RGS14: variants seen among roughly 807,000 people sequenced by gnomAD.
RGS14 encodes the protein regulator of G-protein signaling 14.
A neutral mutation model predicts 63.8 loss-of-function variants in RGS14; 33 were observed. That is an observed-to-expected ratio of 0.52 (90% CI 0.39 to 0.69). The LOEUF (loss-of-function observed/expected upper bound fraction) is 0.69. Among genes scored for constraint, RGS14 ranks in the 30% least tolerant of loss-of-function variants. The probability of loss-of-function intolerance (pLI) is 0.00; values close to 1 mark genes in which losing one functional copy is unlikely to be tolerated. For synonymous variants in RGS14, 296 were observed against 320.9 expected (o/e 0.92, Z 0.83); for missense variants, 739 against 742.9 (o/e 0.99, Z 0.06).
At position 177,366,484 on chromosome 5, in the gene RGS14, T is replaced by C. The variant is rs988334168; in HGVS notation, c.246+129T>C. On this transcript the variant is annotated intron_variant, in intron 3 of 14. Transcript: ENST00000408923. ...TAGCCTTCCTGCAGCACCCTCTTCCTCTTCTCCCAGCTGGGAACTTTTCTT... is the reference window on the plus strand; with the variant it reads ...TAGCCTTCCTGCAGCACCCTCTTCCCCTTCTCCCAGCTGGGAACTTTTCTT... 1.3e-5 allele frequency: 12 copies of C among 902,286 alleles called. No individual in the cohort carries two copies. The South Asian group carries it at 1.6e-4, about 12-fold the overall frequency. The allele number at this position is 902,286 out of a possible 1,614,324, so 55.9% of individuals were successfully genotyped here. A position where few individuals can be genotyped will look rare whatever the true frequency, so the allele number is the denominator to read the frequency against.
At chr5:177,367,627 T>TGCAGA in intron 6 of RGS14, 70 bp downstream of exon 6, 1 of 1,581,210 alleles carries the variant, frequency 6.3e-7, no homozygotes, top group Non-Finnish European at 8.6e-7. Flanking sequence ...AGGGGACGCC[T>TGCAGA]CCGGGTGCAG....
Position 177,358,109 on chromosome 5 carries a change from GGGCACACCCAGGGTGGAGCCCAGGA to G in RGS14, c.45+50_45+74del, listed in dbSNP as rs749050326. 5 of 1,319,618 alleles carry G rather than the reference GGGCACACCCAGGGTGGAGCCCAGGA, an allele frequency of 3.8e-6. No individual in the cohort carries two copies. In the Admixed American group the frequency reaches 1.3e-4, roughly 35 times the overall value. The allele number at this position is 1,319,618 out of a possible 1,614,324, so 81.7% of individuals were successfully genotyped here. A position where few individuals can be genotyped will look rare whatever the true frequency, so the allele number is the denominator to read the frequency against. On this transcript the variant is annotated intron_variant, in intron 1 of 14. Transcript: ENST00000408923. This position sits in a 1 kb window ranked among gnomAD's most constrained non-coding sequence, Gnocchi z 4.8. The stretch of plus-strand genomic sequence containing the variant: ...CGGGCCAGGGCCACGAGGAGGGGGT[GGGCACACCCAGGGTGGAGCCCAGGA>G]GGCACACCCGGCAGGGCCAGGCAAG...
Position 177,371,226 on chromosome 5 carries a change from T to A in RGS14, c.1316T>A (p.Leu439Gln), listed in dbSNP as rs1427397921. 3.1e-6 allele frequency: 5 copies of A among 1,613,436 alleles called. No homozygotes were observed. Reference sequence around the variant, plus strand: ...GTGAGCTCGGTGGCGGCCCAGAGACTGGTTTTGGACACTCTTCCAGGTAGG... The same window carrying A: ...GTGAGCTCGGTGGCGGCCCAGAGACAGGTTTTGGACACTCTTCCAGGTAGG... The part of the protein sequence containing the change: ...KLVSSVAAQR[L>Q]VLDTLPGVKI... The change falls in exon 12 of 15, where the codon CTG becomes CAG. Residue 439 changes from leucine (L) to glutamine (Q), a missense_variant. Physicochemically the swap from Leu to Gln is moderately radical, Grantham distance 113. Transcript: ENST00000408923. This position sits in a 1 kb window ranked among gnomAD's most constrained non-coding sequence, Gnocchi z 6.1.
chr5:177,372,118 G>A lies in RGS14; in HGVS notation c.*43G>A. On this transcript the variant is annotated 3_prime_UTR_variant, in exon 15 of 15. Transcript: ENST00000408923. ...AGGACAGCTGCATGGCACCCGGCGG[G>A]CCGAGCATGCCATGGGTCCGCTCTG... 6.4e-7 allele frequency: 1 copy of A among 1,567,782 alleles called. No individual in the cohort carries two copies. Among genetic ancestry groups the A allele is most frequent in the Non-Finnish European group, 8.7e-7 (1 of 1,144,086 alleles).
intron 1 of RGS14, among the ~76,000 whole-genome samples, chr5:177,363,144 G>A (rs1762007935): frequency 6.6e-6 from 1 of 152,174 alleles, no homozygotes; most frequent in Admixed American, 6.5e-5. Context: ...GGCTGCAGAG[G>A]AACCTTGCGG....
chr5:177,371,835 T>A lies in RGS14; in HGVS notation c.1499-38T>A. The A allele has an allele frequency of 6.3e-7, 1 of 1,585,646 alleles. No homozygotes were observed. Among genetic ancestry groups the A allele is most frequent in the Middle Eastern group, 1.9e-4 (1 of 5,230 alleles). The stretch of plus-strand genomic sequence containing the variant: ...TATCGTGGGCTGGCATATAGGCAGG[T>A]CTGCTGGGGGGACCCTCATGCTGTG... On this transcript the variant is annotated intron_variant, in intron 14 of 14. Transcript: ENST00000408923. This position sits in a 1 kb window ranked among gnomAD's most constrained non-coding sequence, Gnocchi z 6.1.
At chr5:177,362,542 G>A (rs1281206242) in intron 1 of RGS14, among the ~76,000 whole-genome samples, 1 of 152,218 alleles carries the variant, frequency 6.6e-6, no homozygotes, top group Non-Finnish European at 1.5e-5. Context: ...GACGACTAAT[G>A]TCAACGGGCA....
intron 7 of RGS14, 114 bp from the exon 8 acceptor site, chr5:177,368,043 C>A: frequency 6.7e-7 from 1 of 1,500,198 alleles, no homozygotes; most frequent in South Asian, 1.3e-5. Flanking sequence ...CAGGGATTTA[C>A]ACCTGGGCCC....
At chr5:177,369,281 G>T (rs1484652876) in intron 9 of RGS14, among the ~76,000 whole-genome samples, 1 of 152,204 alleles carries the variant, frequency 6.6e-6, no homozygotes, top group Non-Finnish European at 1.5e-5. Context: ...GCCTCTAGGG[G>T]CACCCAAGTG....
At position 177,371,543 on chromosome 5, in the gene RGS14, G is replaced by A. The variant is rs1170301851; in HGVS notation, c.1452G>A (p.Lys484=). 1 of 1,614,162 alleles carries A rather than the reference G, an allele frequency of 6.2e-7. No homozygotes were observed. The highest frequency in any genetic ancestry group is 1.1e-5 in the South Asian group (1 of 91,076). Residue 484 remains lysine, a synonymous_variant, in exon 14 of 15, where the codon AAG becomes AAA. Coordinates refer to ENST00000408923, the MANE Select transcript of RGS14 (RefSeq NM_006480.5). This position sits in a 1 kb window ranked among gnomAD's most constrained non-coding sequence, Gnocchi z 6.1. ...CAGCGTCCCCCAGTTCTCTGGTGAA[G>A]GTGCCCAGTAGTGCCACTGGAAAGC... is the stretch of plus-strand genomic sequence containing the variant. ...PPPASPSSLV[K]VPSSATGKRQ...
chr5:177,362,774 G>C (rs1235121761), intron 1 of RGS14, among the ~76,000 whole-genome samples: 1 of 152,126 alleles, frequency 6.6e-6, no homozygotes, highest in African/African-American at 2.4e-5. Flanking sequence ...CGGGGGCAGG[G>C]AAAGGGCCCG....
Position 177,371,554 on chromosome 5 carries a change from G to A in RGS14, c.1463G>A (p.Ser488Asn). The A allele has an allele frequency of 6.2e-7, 1 of 1,614,124 alleles. No homozygotes were observed. Among genetic ancestry groups the A allele is most frequent in the East Asian group, 2.2e-5 (1 of 44,874 alleles). Residue 488 changes from serine to asparagine, a missense_variant, in exon 14 of 15, where the codon AGT becomes AAT. Transcript: ENST00000408923. The surrounding 1 kb of genome is among the most constrained non-coding windows in gnomAD (Gnocchi z 6.1). ...AGTTCTCTGGTGAAGGTGCCCAGTAGTGCCACTGGAAAGCGGCAGACCTGT... is the reference window on the plus strand; with the variant it reads ...AGTTCTCTGGTGAAGGTGCCCAGTAATGCCACTGGAAAGCGGCAGACCTGT... The part of the protein sequence containing the change: ...SPSSLVKVPS[S>N]ATGKRQTCDI...
At chr5:177,367,130 G>A in intron 5 of RGS14, 96 bp downstream of exon 5, 1 of 1,465,908 alleles carries the variant, frequency 6.8e-7, no homozygotes, top group Non-Finnish European at 9.2e-7. Flanking sequence ...AAAGCGGAGG[G>A]GGCAAATTTG....
intron 5 of RGS14, 152 bp from the exon 6 acceptor site, chr5:177,367,261 CG>C: frequency 2.6e-6 from 3 of 1,155,338 alleles, no homozygotes; most frequent in Non-Finnish European, 3.6e-6. Context: ...GCTTGGACCC[CG>C]GGGGTGGGTA....
At chr5:177,370,556 A>T in intron 9 of RGS14, 35 bp from the exon 10 acceptor site, 1 of 1,592,586 alleles carries the variant, frequency 6.3e-7, no homozygotes, top group East Asian at 2.2e-5. Flanking sequence ...GGGTTGGGGG[A>T]GGGACTCTTA....
intron 1 of RGS14, among the ~76,000 whole-genome samples, chr5:177,360,804 T>G (rs1311414383): frequency 1.3e-5 from 2 of 152,146 alleles, no homozygotes; most frequent in Admixed American, 6.5e-5. Flanking sequence ...TCCCAGCTAC[T>G]TGGGAGGCTA....
chr5:177,370,616 C>G lies in RGS14; in HGVS notation c.1079C>G (p.Thr360Ser). 1 of 1,614,120 alleles carries G rather than the reference C, an allele frequency of 6.2e-7. No individual in the cohort carries two copies. Among genetic ancestry groups the G allele is most frequent in the South Asian group, 1.1e-5 (1 of 91,082 alleles). ...EQALVLDQDC[T>S]VLADQEVRLE... ...GCCCTGGTCCTGGATCAGGACTGCA[C>G]CGTGCTGGCGGATCAGGAAGTGCGG... The change falls in exon 10 of 15, where the codon ACC (threonine) becomes AGC (serine). Residue 360 changes from threonine to serine, a missense_variant. Transcript: ENST00000408923.
Position 177,367,834 on chromosome 5 carries a change from A to T in RGS14, c.739+9A>T, listed in dbSNP as rs371618949. The T allele has an allele frequency of 3.4e-4, 536 of 1,570,968 alleles. No homozygotes were observed. Among genetic ancestry groups the T allele is most frequent in the Non-Finnish European group, 4.0e-4 (461 of 1,160,070 alleles). On this transcript the variant is annotated intron_variant, in intron 7 of 14. Coordinates refer to ENST00000408923, the MANE Select transcript of RGS14 (RefSeq NM_006480.5). ...CAAGTCCTTCCGCCGGGGTGAGGGC[A>T]GGAGCGAGCAACAGAGATGTGGGGA...
chr5:177,358,156 C>T lies in RGS14; in HGVS notation c.45+87C>T. On this transcript the variant is annotated intron_variant, in intron 1 of 14. Coordinates refer to ENST00000408923, the MANE Select transcript of RGS14 (RefSeq NM_006480.5). This position sits in a 1 kb window ranked among gnomAD's most constrained non-coding sequence, Gnocchi z 4.8. The stretch of plus-strand genomic sequence containing the variant: ...AGGAGGCACACCCGGCAGGGCCAGG[C>T]AAGAGCCCACGGGCTGCCAGCAGGC... 8.9e-7 allele frequency: 1 copy of T among 1,119,520 alleles called. No individual in the cohort carries two copies. Among genetic ancestry groups the T allele is most frequent in the Non-Finnish European group, 1.2e-6 (1 of 868,668 alleles). 69.3% of individuals were successfully genotyped at this position (1,119,520 alleles called of 1,614,324 possible).
Sources: allele counts gnomAD v4.1 joint callset (sites outside exome capture counted in the v4.1 genomes callset), GRCh38; gene constraint gnomAD v4.1.1; non-coding constraint Gnocchi (gnomAD v3.1); transcripts MANE v1.5; gene names NCBI Gene and HGNC (gene_info 2026-07-23, HGNC 2026-07-21).